XKR4: variants seen among roughly 807,000 people sequenced by gnomAD.
The protein encoded by XKR4 is XK-related protein 4.
In XKR4, 12 loss-of-function variants were observed where a neutral mutation model predicts 53.9. That is an observed-to-expected ratio of 0.22 (90% CI 0.14 to 0.36). The LOEUF (loss-of-function observed/expected upper bound fraction) is 0.36, where lower values mean the gene tolerates loss of function less well. Ranked by LOEUF, XKR4 falls within the 10% of genes least tolerant of loss-of-function variation. The pLI, the probability that XKR4 is intolerant of heterozygous loss-of-function variation, is 1.00. For missense variants in XKR4, 799 were observed against 859.5 expected (o/e 0.93, Z 0.88); for synonymous variants, 354 against 362.4 (o/e 0.98, Z 0.26).
chr8:55,104,588 G>A (rs975511498), intron 1 of XKR4, among the ~76,000 whole-genome samples: 3 of 152,180 alleles, frequency 2.0e-5, no homozygotes, highest in Non-Finnish European at 4.4e-5. Flanking sequence ...AGAAGAGCAA[G>A]TGTGGTGATT....
intron 1 of XKR4, among the ~76,000 whole-genome samples, chr8:55,176,086 C>T (rs2129359126): frequency 6.6e-6 from 1 of 152,260 alleles, no homozygotes; most frequent in Non-Finnish European, 1.5e-5. Flanking sequence ...TCTAGGTTAC[C>T]TACTGAAATA....
intron 1 of XKR4, among the ~76,000 whole-genome samples, chr8:55,179,762 A>G (rs1188231780): frequency 6.6e-6 from 1 of 152,244 alleles, no homozygotes; most frequent in Non-Finnish European, 1.5e-5. Flanking sequence ...TATAAGAAAC[A>G]GTGCACTGTG....
chr8:55,104,015 G>T (rs1184046555), intron 1 of XKR4, among the ~76,000 whole-genome samples: 1 of 151,608 alleles, frequency 6.6e-6, no homozygotes, highest in Admixed American at 6.6e-5. Context: ...TTGGAAAAGG[G>T]GTGGGGCACC....
At chr8:55,318,960 T>C (rs140611839) in intron 1 of XKR4, among the ~76,000 whole-genome samples, 1 of 152,324 alleles carries the variant, frequency 6.6e-6, no homozygotes, top group African/African-American at 2.4e-5. Context: ...TAGTACAGGA[T>C]AGCAATGTTC....
At chr8:55,200,797 C>A (rs1316600566) in intron 1 of XKR4, among the ~76,000 whole-genome samples, 1 of 152,094 alleles carries the variant, frequency 6.6e-6, no homozygotes, top group East Asian at 1.9e-4. Flanking sequence ...TAGCATATGC[C>A]AGCAGAAACA....
At chr8:55,289,838 GAGAAAGAAAGAAGGAA>G (rs1818990181) in intron 1 of XKR4, among the ~76,000 whole-genome samples, 1 of 99,056 alleles carries the variant, frequency 1.0e-5, no homozygotes, top group African/African-American at 4.2e-5. Context: ...AAGGAAGGAA[GAGAAAGAAAGAAGGAA>G]AGAAAGAAAG....
At chr8:55,302,911 T>C (rs547283034) in intron 1 of XKR4, among the ~76,000 whole-genome samples, 9 of 152,234 alleles carry the variant, frequency 5.9e-5, no homozygotes, top group South Asian at 4.1e-4. Flanking sequence ...GATGATGGGA[T>C]TTTCTAAATA....
At chr8:55,103,519 C>T (rs769278531) in intron 1 of XKR4, among the ~76,000 whole-genome samples, 1 of 151,994 alleles carries the variant, frequency 6.6e-6, no homozygotes, top group Non-Finnish European at 1.5e-5. Flanking sequence ...AAAGTGGTTT[C>T]GATCACCTCA....
At chr8:55,105,880 T>C (rs562799674) in intron 1 of XKR4, among the ~76,000 whole-genome samples, 1 of 152,326 alleles carries the variant, frequency 6.6e-6, no homozygotes, top group African/African-American at 2.4e-5. Flanking sequence ...TGTTGAACAT[T>C]CATGTGGAAC....
chr8:55,352,322 A>G (rs73589716), intron 1 of XKR4, among the ~76,000 whole-genome samples: 2,651 of 152,348 alleles, frequency 0.017, 94 homozygotes, highest in African/African-American at 0.06. Flanking sequence ...GTGTGGATTC[A>G]TCTCCAAGGA....
At chr8:55,237,892 C>A (rs1467215909) in intron 1 of XKR4, among the ~76,000 whole-genome samples, 1 of 152,022 alleles carries the variant, frequency 6.6e-6, no homozygotes. Context: ...TTCTCCCCTC[C>A]TCCATCCCCA....
chr8:55,314,947 C>T (rs1212022718), intron 1 of XKR4, among the ~76,000 whole-genome samples: 1 of 152,202 alleles, frequency 6.6e-6, no homozygotes, highest in Non-Finnish European at 1.5e-5. Context: ...TGGAGCCATG[C>T]TGACTGCAAG....
At chr8:55,454,548 G>T in intron 2 of XKR4, 1 of 1,428,992 alleles carries the variant, frequency 7.0e-7, no homozygotes, top group Non-Finnish European at 9.6e-7. Flanking sequence ...TGCAGCTGCT[G>T]ATGGGCAGGG....
chr8:55,407,559 C>A (rs1804702806), intron 2 of XKR4, among the ~76,000 whole-genome samples: 1 of 152,224 alleles, frequency 6.6e-6, no homozygotes, highest in Non-Finnish European at 1.5e-5. Context: ...CAGAGCTGGC[C>A]CTCGGGTCAG....
intron 2 of XKR4, among the ~76,000 whole-genome samples, chr8:55,462,334 A>C (rs1805672473): frequency 6.6e-6 from 1 of 152,254 alleles, no homozygotes; most frequent in Non-Finnish European, 1.5e-5. Flanking sequence ...ATTCTTAAAG[A>C]AAAGAATTTT....
chr8:55,454,021 G>A (rs188815940), intron 2 of XKR4: 5 of 891,344 alleles, frequency 5.6e-6, no homozygotes, highest in South Asian at 1.4e-5. Flanking sequence ...TGCACACGAC[G>A]TGCAGGCACC....
chr8:55,486,950 G>T (rs1320590274), intron 2 of XKR4, among the ~76,000 whole-genome samples: 1 of 152,156 alleles, frequency 6.6e-6, no homozygotes, highest in Non-Finnish European at 1.5e-5. Context: ...ATTTGTACTA[G>T]TCAGGGTTCT....
chr8:55,254,704 C>T (rs1035991651), intron 1 of XKR4, among the ~76,000 whole-genome samples: 1 of 152,176 alleles, frequency 6.6e-6, no homozygotes, highest in Non-Finnish European at 1.5e-5. Context: ...CCTAGAACCG[C>T]ATGCTCTCTA....
At chr8:55,327,458 C>A (rs1803311276) in intron 1 of XKR4, among the ~76,000 whole-genome samples, 1 of 151,968 alleles carries the variant, frequency 6.6e-6, no homozygotes, top group Non-Finnish European at 1.5e-5. Flanking sequence ...TACTCAAATA[C>A]CCTGTTTAAG....
Sources: gnomAD v4.1 joint callset for allele counts (sites outside exome capture counted in the v4.1 genomes callset) on GRCh38, gnomAD v4.1.1 for gene constraint, MANE v1.5 for transcripts, NCBI Gene and HGNC (gene_info 2026-07-23, HGNC 2026-07-21) for gene names.